Variants in PTPRQ observed in about 807,000 individuals in gnomAD.
PTPRQ encodes phosphatidylinositol phosphatase PTPRQ.
A neutral mutation model predicts 246.0 loss-of-function variants in PTPRQ; 199 were observed. The observed-to-expected ratio is 0.81, with a 90% CI of 0.72 to 0.91. The LOEUF is 0.91. Among genes scored for constraint, PTPRQ ranks in the 40% least tolerant of loss-of-function variants. PTPRQ has a pLI of 0.00. For missense variants in PTPRQ, 2,624 were observed against 2,528.4 expected (o/e 1.04, Z -0.81); for synonymous variants, 869 against 853.2 (o/e 1.02, Z -0.32).
At chr12:80,675,296 TTTACA>T (rs1901100054) in intron 43 of PTPRQ, among the ~76,000 whole-genome samples, 1 of 152,190 alleles carries the variant, frequency 6.6e-6, no homozygotes, top group Non-Finnish European at 1.5e-5. Flanking sequence ...GTAGTGGAAC[TTTACA>T]TTTTGCATTC....
At chr12:80,566,929 CATTTTTAAACTTTGG>C (rs1364959464) in intron 25 of PTPRQ, among the ~76,000 whole-genome samples, 1 of 152,132 alleles carries the variant, frequency 6.6e-6, no homozygotes, top group Non-Finnish European at 1.5e-5. Flanking sequence ...AGAGGTCTAG[CATTTTTAAACTTTGG>C]ACTTGAAATT....
At chr12:80,570,669 C>T (rs896667970) in intron 25 of PTPRQ, among the ~76,000 whole-genome samples, 1 of 152,094 alleles carries the variant, frequency 6.6e-6, no homozygotes, top group African/African-American at 2.4e-5. Context: ...ATGCCTATGT[C>T]CTGAATGGTA....
At chr12:80,643,520 CA>C (rs1360999632) in intron 35 of PTPRQ, among the ~76,000 whole-genome samples, 1 of 151,818 alleles carries the variant, frequency 6.6e-6, no homozygotes, top group Non-Finnish European at 1.5e-5. Flanking sequence ...TGTATAGGAC[CA>C]ACCATGGGTT....
intron 25 of PTPRQ, among the ~76,000 whole-genome samples, chr12:80,572,661 C>T (rs981832942): frequency 1.3e-5 from 2 of 151,926 alleles, no homozygotes; most frequent in Non-Finnish European, 2.9e-5. Context: ...TGTAGATACC[C>T]CTTATTAAAT....
intron 39 of PTPRQ, among the ~76,000 whole-genome samples, chr12:80,665,885 A>G (rs1027707815): frequency 6.6e-6 from 1 of 152,084 alleles, no homozygotes; most frequent in African/African-American, 2.4e-5. Flanking sequence ...AATCAAAACC[A>G]CAATGAAACA....
intron 30 of PTPRQ, among the ~76,000 whole-genome samples, chr12:80,618,881 G>A (rs1351911389): frequency 5.9e-5 from 9 of 151,468 alleles, no homozygotes; most frequent in Non-Finnish European, 1.2e-4. Context: ...AGAAGAGTGT[G>A]TTGTGCATGA....
chr12:80,644,832 C>A (rs1461166611), intron 35 of PTPRQ, among the ~76,000 whole-genome samples: 1 of 151,972 alleles, frequency 6.6e-6, no homozygotes, highest in African/African-American at 2.4e-5. Flanking sequence ...TACACCTATA[C>A]AACATGAGGC....
At chr12:80,485,563 C>G (rs931486647) in intron 9 of PTPRQ, among the ~76,000 whole-genome samples, 1 of 152,168 alleles carries the variant, frequency 6.6e-6, no homozygotes, top group African/African-American at 2.4e-5. Flanking sequence ...TTGACCTCAC[C>G]ATGTGCTCAA....
intron 6 of PTPRQ, among the ~76,000 whole-genome samples, chr12:80,466,818 A>T (rs1367808099): frequency 6.6e-6 from 1 of 152,172 alleles, no homozygotes; most frequent in East Asian, 1.9e-4. Flanking sequence ...AGAAAGCTGA[A>T]ACTGGATCCC....
At chr12:80,678,937 G>T in intron 44 of PTPRQ, 49 bp from the exon 45 acceptor site, 2 of 1,504,944 alleles carry the variant, frequency 1.3e-6, no homozygotes, top group South Asian at 2.7e-5. Flanking sequence ...TTTCAATTTT[G>T]AACTGTTAAC....
intron 3 of PTPRQ, among the ~76,000 whole-genome samples, chr12:80,450,438 G>T (rs1396122799): frequency 1.3e-5 from 2 of 152,064 alleles, no homozygotes; most frequent in African/African-American, 4.8e-5. Context: ...GTGAGAGAGG[G>T]CATCCCTGTC....
chr12:80,502,050 C>T (rs1894815044), intron 14 of PTPRQ, among the ~76,000 whole-genome samples: 1 of 151,842 alleles, frequency 6.6e-6, no homozygotes, highest in South Asian at 2.1e-4. Context: ...CAAAAGAAGA[C>T]TTTTTAAATC....
intron 26 of PTPRQ, among the ~76,000 whole-genome samples, chr12:80,600,922 A>G (rs1045421322): frequency 8.6e-5 from 13 of 151,730 alleles, no homozygotes; most frequent in African/African-American, 3.1e-4. Flanking sequence ...ACTGGGCTTC[A>G]GCTTCACTGT....
Position 80,542,748 on chromosome 12 carries a change from A to G in PTPRQ, c.3740A>G (p.Gln1247Arg). Residue 1247 changes from glutamine (Q) to arginine (R), a missense_variant, in exon 23 of 45, where the codon CAA (glutamine) becomes CGA (arginine). Physicochemically the swap from Gln to Arg is conservative, Grantham distance 43. Transcript: ENST00000644991. ...CCTACAGTGCCGTTAGCACCTCCAC[A>G]AAATTTGACTTTAATCAACTGTACT... ...TDESVPLAPP[Q>R]NLTLINCTSD... The G allele has an allele frequency of 6.5e-7, 1 of 1,545,264 alleles. No homozygotes were observed. The highest frequency in any genetic ancestry group is 8.7e-7 in the Non-Finnish European group (1 of 1,144,874).
At chr12:80,545,532 G>A (rs1656154172) in intron 23 of PTPRQ, among the ~76,000 whole-genome samples, 1 of 151,830 alleles carries the variant, frequency 6.6e-6, no homozygotes, top group Non-Finnish European at 1.5e-5. Context: ...AATCTTAGCT[G>A]CTTTCTTGGT....
At chr12:80,491,958 G>T (rs1222475974) in intron 9 of PTPRQ, among the ~76,000 whole-genome samples, 1 of 151,748 alleles carries the variant, frequency 6.6e-6, no homozygotes, top group Non-Finnish European at 1.5e-5. Flanking sequence ...AAAGAGCATG[G>T]AATTGATAAG....
Position 80,522,795 on chromosome 12 carries a change from A to G in PTPRQ, c.2679-11220A>G, listed in dbSNP as rs190133029. On this transcript the variant is annotated intron_variant, in intron 17 of 44. Coordinates refer to ENST00000644991, the MANE Select transcript of PTPRQ (RefSeq NM_001145026.2). Reference sequence around the variant, plus strand: ...TTTTATTGAGGATTTTTGCATTGATATTCATCAGGGATATTCATGTAAAAT... The same window carrying G: ...TTTTATTGAGGATTTTTGCATTGATGTTCATCAGGGATATTCATGTAAAAT... Among the ~76,000 whole-genome samples the G allele has an allele frequency of 3.4e-3, 517 of 152,176 alleles. 3 individuals are homozygous for G. Among genetic ancestry groups the G allele is most frequent in the South Asian group, 5.8e-3 (28 of 4,814 alleles).
At chr12:80,463,900 C>A (rs1382335460) in intron 6 of PTPRQ, among the ~76,000 whole-genome samples, 1 of 151,638 alleles carries the variant, frequency 6.6e-6, no homozygotes, top group East Asian at 1.9e-4. Flanking sequence ...CTGGTACCAG[C>A]CGCTGCAAAA....
At chr12:80,597,663 T>C (rs2121054441) in intron 26 of PTPRQ, among the ~76,000 whole-genome samples, 1 of 152,058 alleles carries the variant, frequency 6.6e-6, no homozygotes, top group African/African-American at 2.4e-5. Flanking sequence ...AAGAGCAGTG[T>C]CACTATTTTT....
Sources: allele counts gnomAD v4.1 joint callset (sites outside exome capture counted in the v4.1 genomes callset), GRCh38; gene constraint gnomAD v4.1.1; transcripts MANE v1.5; gene names NCBI Gene and HGNC (gene_info 2026-07-23, HGNC 2026-07-21).